The following USP22 variants were observed in gnomAD, a reference collection of about 807,000 sequenced individuals.
USP22 encodes ubiquitin specific peptidase 22.
A neutral mutation model predicts 68.1 loss-of-function variants in USP22; 22 were observed. The observed-to-expected ratio is 0.32, with a 90% CI of 0.23 to 0.46. The LOEUF (loss-of-function observed/expected upper bound fraction) is 0.46. USP22 is among the 20% of genes least tolerant of loss of function. The pLI is 1.00. For synonymous variants in USP22, 279 were observed against 274.2 expected (o/e 1.02, Z -0.17); for missense variants, 433 against 695.8 (o/e 0.62, Z 4.25).
At chr17:21,041,573 G>C (rs946528701) in intron 1 of USP22, among the ~76,000 whole-genome samples, 1 of 152,172 alleles carries the variant, frequency 6.6e-6, no homozygotes, top group African/African-American at 2.4e-5. Flanking sequence ...ACTCCAGCCT[G>C]GGGTACAAAG....
Position 21,011,206 on chromosome 17 carries a change from C to A in USP22, c.1048G>T (p.Val350Leu). 1 of 1,612,706 alleles carries A rather than the reference C, an allele frequency of 6.2e-7. No homozygotes were observed. The highest frequency in any genetic ancestry group is 8.5e-7 in the Non-Finnish European group (1 of 1,179,346). ...PLSPGSEGNV[V>L]NGESHVSGTT... ...CCCGACACGTGGCTTTCCCCGTTTA[C>A]CACGTTGCCCTCGCTCCCTGGGCTC... The change falls in exon 8 of 13, where the codon GTA becomes TTA. Residue 350 changes from valine to leucine, a missense_variant. Coordinates refer to ENST00000261497, the MANE Select transcript of USP22 (RefSeq NM_015276.2).
At chr17:21,032,964 C>T (rs1214141196) in intron 1 of USP22, among the ~76,000 whole-genome samples, 1 of 138,974 alleles carries the variant, frequency 7.2e-6, no homozygotes, top group African/African-American at 3.1e-5. Context: ...GTTGAAAATG[C>T]ATTCCCCAGG....
chr17:21,039,231 G>A (rs575592888), intron 1 of USP22, among the ~76,000 whole-genome samples: 43 of 151,888 alleles, frequency 2.8e-4, no homozygotes, highest in African/African-American at 9.9e-4. Flanking sequence ...GATTACAGGC[G>A]TGAGCCACCA....
intron 6 of USP22, among the ~76,000 whole-genome samples, chr17:21,014,844 T>C (rs771074238): frequency 9.9e-5 from 15 of 152,212 alleles, no homozygotes; most frequent in Non-Finnish European, 2.2e-4. Flanking sequence ...CCAGGTGCCC[T>C]GTGACCTGAG....
At chr17:21,030,624 C>G (rs1972278412) in intron 1 of USP22, among the ~76,000 whole-genome samples, 1 of 152,170 alleles carries the variant, frequency 6.6e-6, no homozygotes, top group African/African-American at 2.4e-5. Flanking sequence ...ACCAACACGA[C>G]CCATCTGGAA....
chr17:21,039,202 C>T (rs1972395530), intron 1 of USP22, among the ~76,000 whole-genome samples: 1 of 151,908 alleles, frequency 6.6e-6, no homozygotes, highest in South Asian at 2.1e-4. Context: ...CCGCCCGCCT[C>T]GGCCTCCCAA....
intron 10 of USP22, among the ~76,000 whole-genome samples, chr17:21,005,845 CAG>C (rs1913759862): frequency 1.3e-5 from 2 of 152,224 alleles, no homozygotes; most frequent in African/African-American, 4.8e-5. Flanking sequence ...CCAGTCTTTG[CAG>C]AGACTCAAAG....
At chr17:21,011,366 G>A in intron 7 of USP22, 57 bp from the exon 8 acceptor site, 2 of 1,545,648 alleles carry the variant, frequency 1.3e-6, no homozygotes, top group Non-Finnish European at 8.7e-7. Context: ...AGCTCCAGAG[G>A]CAACCCGGGG....
intron 5 of USP22, among the ~76,000 whole-genome samples, chr17:21,016,710 G>T (rs1441924830): frequency 6.6e-6 from 1 of 152,190 alleles, no homozygotes; most frequent in East Asian, 1.9e-4. Context: ...CCATCCGTAT[G>T]ATGCGCTGGT....
chr17:21,039,621 CT>C (rs1263153695), intron 1 of USP22, among the ~76,000 whole-genome samples: 2 of 152,086 alleles, frequency 1.3e-5, no homozygotes, highest in Non-Finnish European at 2.9e-5. Context: ...TTTATCAAGC[CT>C]GGTCATGTTT....
chr17:21,026,158 T>G (rs543658228), intron 2 of USP22, among the ~76,000 whole-genome samples: 2 of 152,190 alleles, frequency 1.3e-5, no homozygotes, highest in African/African-American at 4.8e-5. Flanking sequence ...CTCGGGTGGC[T>G]GAGGCAGGAG....
intron 3 of USP22, among the ~76,000 whole-genome samples, chr17:21,020,863 C>A (rs1374097342): frequency 6.6e-6 from 1 of 152,142 alleles, no homozygotes; most frequent in Admixed American, 6.5e-5. Context: ...CATGGGGGAC[C>A]TGCAAGGGAA....
intron 8 of USP22, among the ~76,000 whole-genome samples, chr17:21,008,422 G>A (rs1341814692): frequency 6.6e-6 from 1 of 152,128 alleles, no homozygotes; most frequent in Non-Finnish European, 1.5e-5. Context: ...CATGGAGTAT[G>A]AGACAGCAGC....
At chr17:21,007,009 A>G (rs1191905920) in intron 9 of USP22, 22 bp from the exon 10 acceptor site, 1 of 1,568,338 alleles carries the variant, frequency 6.4e-7, no homozygotes, top group Admixed American at 1.8e-5. Flanking sequence ...GGAAGGGGAC[A>G]GAGGGAAGAG....
At chr17:21,042,555 G>T in intron 1 of USP22, 110 bp downstream of exon 1, 1 of 1,114,542 alleles carries the variant, frequency 9.0e-7, no homozygotes, top group Non-Finnish European at 1.1e-6. Context: ...GGAAGGACAG[G>T]GAAAGGCAAC....
At chr17:21,013,277 A>G (rs716959) in intron 6 of USP22, among the ~76,000 whole-genome samples, 26,043 of 152,236 alleles carry the variant, frequency 0.17, 2,791 homozygotes, top group South Asian at 0.25. Context: ...CCAGTGAGAC[A>G]GCTGAACATA....
chr17:21,008,135 G>GA, intron 8 of USP22, 139 bp from the exon 9 acceptor site: 1 of 1,063,524 alleles, frequency 9.4e-7, no homozygotes. Context: ...ATGAAACAAT[G>GA]AAAAAAAGAG....
At chr17:21,017,503 C>T (rs776119007) in intron 5 of USP22, among the ~76,000 whole-genome samples, 1 of 152,218 alleles carries the variant, frequency 6.6e-6, no homozygotes, top group Non-Finnish European at 1.5e-5. Context: ...CAACGTGCAG[C>T]GCGTAGCTCA....
intron 4 of USP22, among the ~76,000 whole-genome samples, chr17:21,018,691 C>G (rs900118229): frequency 8.6e-5 from 12 of 139,190 alleles, no homozygotes; most frequent in Admixed American, 5.2e-4. Flanking sequence ...GAGCAAGACT[C>G]TGTCTCAAAA....
Sources: allele counts gnomAD v4.1 joint callset (sites outside exome capture counted in the v4.1 genomes callset), GRCh38; gene constraint gnomAD v4.1.1; transcripts MANE v1.5; gene names NCBI Gene and HGNC (gene_info 2026-07-23, HGNC 2026-07-21).